The following DPY19L2 variants were observed in gnomAD, a reference collection of about 807,000 sequenced individuals.
The protein encoded by DPY19L2 is probable C-mannosyltransferase DPY19L2.
DPY19L2 carries 34 observed loss-of-function variants against 97.9 expected under a neutral mutation model. The observed-to-expected ratio is 0.35, with a 90% confidence interval of 0.26 to 0.46. The LOEUF (loss-of-function observed/expected upper bound fraction) is 0.46, where lower values mean the gene tolerates loss of function less well. Among genes scored for constraint, DPY19L2 ranks in the 20% least tolerant of loss-of-function variants. The pLI, the probability that DPY19L2 is intolerant of heterozygous loss-of-function variation, is 1.00. For missense variants in DPY19L2, 623 were observed against 911.4 expected (o/e 0.68, Z 4.07); for synonymous variants, 230 against 307.9 (o/e 0.75, Z 2.65).
intron 13 of DPY19L2, 123 bp from the exon 14 acceptor site, chr12:63,598,033 C>T: frequency 4.3e-6 from 3 of 703,666 alleles, no homozygotes; most frequent in Non-Finnish European, 6.3e-6. Context: ...TATATTTAGA[C>T]ATCCCTCTAA....
intron 11 of DPY19L2, among the ~76,000 whole-genome samples, chr12:63,616,224 C>T (rs1887797986): frequency 1.3e-5 from 2 of 151,872 alleles, no homozygotes; most frequent in South Asian, 4.2e-4. Context: ...AGTCAGCACA[C>T]AAAACATTTG....
chr12:63,619,801 G>A (rs1419325381), intron 9 of DPY19L2: 10 of 354,472 alleles, frequency 2.8e-5, no homozygotes, highest in South Asian at 8.7e-5. Context: ...CATCACACCC[G>A]GCCCCAAAGA....
intron 6 of DPY19L2, among the ~76,000 whole-genome samples, chr12:63,643,221 T>A (rs1209032972): frequency 6.6e-6 from 1 of 152,208 alleles, no homozygotes; most frequent in South Asian, 2.1e-4. Context: ...TTTCTTTTTT[T>A]TCAAGTTTTC....
rs533151947 is a variant in DPY19L2, at chr12:63,636,035, T to C, written c.803+8368A>G. On this transcript the variant is annotated intron_variant, in intron 6 of 21. Coordinates refer to ENST00000324472, the MANE Select transcript of DPY19L2 (RefSeq NM_173812.5). The stretch of plus-strand genomic sequence containing the variant: ...GTAAAGGGCAGCCAGAGAGAAAGGT[T>C]GGGTTACCCACAAAGGGAAGCCCAT... 5.6e-3 allele frequency among the ~76,000 whole-genome samples: 854 copies of C among 152,138 alleles called. 7 individuals carry two copies. The highest frequency in any genetic ancestry group is 8.9e-3 in the Non-Finnish European group (605 of 67,994).
Position 63,621,253 on chromosome 12 carries a change from A to G in DPY19L2, c.1038T>C (p.Phe346=). The change falls in exon 9 of 22, where the codon TTT becomes TTC. Residue 346 remains phenylalanine, a synonymous_variant. Coordinates refer to ENST00000324472, the MANE Select transcript of DPY19L2 (RefSeq NM_173812.5). Reference sequence around the variant, plus strand: ...ATCATCTTACCTGTGTAAAAAGTATAAACTGAGCAAATTGCCAGGGAAGCA... The same window carrying G: ...ATCATCTTACCTGTGTAAAAAGTATGAACTGAGCAAATTGCCAGGGAAGCA... ...AFMLPWQFAQ[F]ILFTQIASLF... is the part of the protein sequence containing the mutation. 1 of 1,053,002 alleles carries G rather than the reference A, an allele frequency of 9.5e-7. No individual in the cohort carries two copies. Among genetic ancestry groups the G allele is most frequent in the Non-Finnish European group, 1.4e-6 (1 of 701,594 alleles). The allele number at this position is 1,053,002 out of a possible 1,614,324, so 65.2% of individuals were successfully genotyped here. A position where few individuals can be genotyped will look rare whatever the true frequency, so the allele number is the denominator to read the frequency against.
chr12:63,586,448 A>T (rs1348106482), intron 16 of DPY19L2, among the ~76,000 whole-genome samples: 2 of 152,202 alleles, frequency 1.3e-5, no homozygotes, highest in African/African-American at 2.4e-5. Flanking sequence ...AGTAAATTTC[A>T]GCATAACCTG....
intron 17 of DPY19L2, 38 bp from the exon 18 acceptor site, chr12:63,582,563 T>A (rs1225089978): frequency 3.2e-6 from 5 of 1,579,548 alleles, no homozygotes; most frequent in Non-Finnish European, 4.3e-6. Flanking sequence ...CATTTTTACT[T>A]TTCATATTTT....
Position 63,560,051 on chromosome 12 carries a change from T to C in DPY19L2, c.*461A>G, listed in dbSNP as rs1369503138. ...CACTGTTACAATTTCCTCACAGAGG[T>C]AAAGAGGCTGTGACCAGTATCAGCA... On this transcript the variant is annotated 3_prime_UTR_variant, in exon 22 of 22. Coordinates refer to ENST00000324472, the MANE Select transcript of DPY19L2 (RefSeq NM_173812.5). 1 of 152,986 alleles carries C rather than the reference T, an allele frequency of 6.5e-6. No individual in the cohort carries two copies. The highest frequency in any genetic ancestry group is 1.5e-5 in the Non-Finnish European group (1 of 68,690). 9.5% of individuals were successfully genotyped at this position (152,986 alleles called of 1,614,324 possible).
intron 6 of DPY19L2, among the ~76,000 whole-genome samples, chr12:63,637,737 G>A (rs1891984316): frequency 6.6e-6 from 1 of 152,056 alleles, no homozygotes; most frequent in South Asian, 2.1e-4. Flanking sequence ...ACCAAAAAAA[G>A]TCCAGGACCA....
chr12:63,607,445 TAATA>T (rs1388572549), intron 12 of DPY19L2, among the ~76,000 whole-genome samples: 1 of 152,120 alleles, frequency 6.6e-6, no homozygotes, highest in Non-Finnish European at 1.5e-5. Context: ...CAACAAAGAA[TAATA>T]AAAAGACAAA....
At chr12:63,662,478 T>C (rs1047294088) in intron 3 of DPY19L2, among the ~76,000 whole-genome samples, 3 of 151,136 alleles carry the variant, frequency 2.0e-5, no homozygotes, top group South Asian at 2.1e-4. Context: ...AAAGACTATA[T>C]TTAGGGAAAT....
At chr12:63,609,551 A>C (rs1886614329) in intron 11 of DPY19L2, among the ~76,000 whole-genome samples, 2 of 152,246 alleles carry the variant, frequency 1.3e-5, no homozygotes, top group South Asian at 4.2e-4. Flanking sequence ...TCTGTCTGCA[A>C]ACCACAAAAA....
At chr12:63,609,178 C>T (rs1236831659) in intron 11 of DPY19L2, among the ~76,000 whole-genome samples, 2 of 152,018 alleles carry the variant, frequency 1.3e-5, no homozygotes, top group Non-Finnish European at 2.9e-5. Context: ...AGAAGCACCA[C>T]CCCTGGCAGT....
intron 4 of DPY19L2, among the ~76,000 whole-genome samples, chr12:63,650,018 C>G (rs1276060136): frequency 6.6e-6 from 1 of 152,064 alleles, no homozygotes; most frequent in Admixed American, 6.6e-5. Flanking sequence ...TGGTTCAACA[C>G]AGGCAAATCA....
intron 16 of DPY19L2, among the ~76,000 whole-genome samples, chr12:63,585,359 C>A (rs1881614413): frequency 6.6e-6 from 1 of 152,040 alleles, no homozygotes; most frequent in Non-Finnish European, 1.5e-5. Flanking sequence ...AAAGAGAAGT[C>A]AGGGGAAGGT....
intron 1 of DPY19L2, among the ~76,000 whole-genome samples, chr12:63,666,060 C>A (rs1331805141): frequency 1.3e-5 from 2 of 152,108 alleles, no homozygotes; most frequent in African/African-American, 4.8e-5. Flanking sequence ...CTCTCTGCAG[C>A]AGGGCTTGAC....
chr12:63,624,632 T>C (rs1012417598), intron 7 of DPY19L2, among the ~76,000 whole-genome samples: 3 of 152,112 alleles, frequency 2.0e-5, no homozygotes, highest in Non-Finnish European at 2.9e-5. Flanking sequence ...ATTTGTAAAA[T>C]GTACCGTAAA....
intron 5 of DPY19L2, among the ~76,000 whole-genome samples, chr12:63,645,084 T>C (rs1893223079): frequency 1.1e-5 from 1 of 87,712 alleles, no homozygotes; most frequent in East Asian, 6.8e-4. Context: ...ATATAGAAGA[T>C]CATGTGTGTG....
intron 2 of DPY19L2, among the ~76,000 whole-genome samples, chr12:63,664,630 C>T (rs906077142): frequency 1.6e-4 from 24 of 152,078 alleles, no homozygotes; most frequent in African/African-American, 5.6e-4. Context: ...CAGGTGTGTA[C>T]TTGAAGACCT....
Sources: gnomAD v4.1 joint callset for allele counts (sites outside exome capture counted in the v4.1 genomes callset) on GRCh38, gnomAD v4.1.1 for gene constraint, MANE v1.5 for transcripts, NCBI Gene and HGNC (gene_info 2026-07-23, HGNC 2026-07-21) for gene names.